Variants in TUSC3 observed in about 807,000 individuals in gnomAD.
TUSC3 encodes the protein tumor suppressor candidate 3.
TUSC3 carries 45 observed loss-of-function variants against 44.8 expected under a neutral mutation model. The ratio of observed to expected loss-of-function variants is 1.00; its 90% confidence interval spans 0.79 to 1.29. The LOEUF is 1.29. Among genes scored for constraint, TUSC3 ranks in the 50% most tolerant of loss-of-function variants. The pLI, the probability that TUSC3 is intolerant of heterozygous loss-of-function variation, is 0.00. For missense variants in TUSC3, 519 were observed against 437.9 expected, an observed-to-expected ratio of 1.19 and a Z score of -1.65; for synonymous variants, 212 against 152.9, an observed-to-expected ratio of 1.39 and a Z score of -2.85.
intron 1 of TUSC3, among the ~76,000 whole-genome samples, chr8:15,567,437 G>T (rs887000137): frequency 4.6e-5 from 7 of 152,114 alleles, no homozygotes; most frequent in Non-Finnish European, 1.0e-4. Flanking sequence ...CTTGCCCAGA[G>T]TAGGTACTTA....
intron 1 of TUSC3, among the ~76,000 whole-genome samples, chr8:15,559,357 G>A (rs1041376141): frequency 3.4e-5 from 5 of 148,528 alleles, no homozygotes; most frequent in Non-Finnish European, 6.0e-5. Flanking sequence ...ATTGCACTGT[G>A]GTCTGACAGA....
chr8:15,815,858 G>C, the TUSC3 span, among the ~76,000 whole-genome samples: 1 of 152,148 alleles, frequency 6.6e-6, no homozygotes, highest in African/African-American at 2.4e-5. Flanking sequence ...AGTTGGCATT[G>C]TTTCCAGGGA....
intron 7 of TUSC3, 25 bp from the exon 8 acceptor site, chr8:15,743,513 A>C (rs746570208): frequency 6.2e-7 from 1 of 1,612,348 alleles, no homozygotes; most frequent in African/African-American, 1.3e-5. Flanking sequence ...ATCTATGTCT[A>C]CGGCTTCCTT....
At chr8:15,660,397 A>C (rs551708370) in intron 4 of TUSC3, among the ~76,000 whole-genome samples, 1 of 152,160 alleles carries the variant, frequency 6.6e-6, no homozygotes, top group East Asian at 1.9e-4. Context: ...TATAAAGTAC[A>C]AATATGAGTA....
At chr8:15,843,938 G>T in the TUSC3 span, among the ~76,000 whole-genome samples, 1 of 152,040 alleles carries the variant, frequency 6.6e-6, no homozygotes, top group Non-Finnish European at 1.5e-5. Context: ...TTTGTGTTTG[G>T]AAACTCAGTC....
chr8:15,681,425 A>C (rs1808426246), intron 6 of TUSC3, among the ~76,000 whole-genome samples: 1 of 151,972 alleles, frequency 6.6e-6, no homozygotes, highest in Admixed American at 6.5e-5. Flanking sequence ...CCAGGAATTC[A>C]TCCATTTACT....
chr8:15,632,154 A>T (rs1805800475), intron 2 of TUSC3, among the ~76,000 whole-genome samples: 1 of 152,182 alleles, frequency 6.6e-6, no homozygotes, highest in South Asian at 2.1e-4. Flanking sequence ...CCCCCATGCC[A>T]TGTGAGATCC....
At position 15,650,784 on chromosome 8, in the gene TUSC3, C is replaced by G; in HGVS notation, c.396C>G (p.Asp132Glu). 6.2e-7 allele frequency: 1 copy of G among 1,614,096 alleles called. No individual in the cohort carries two copies. The highest frequency in any genetic ancestry group is 8.5e-7 in the Non-Finnish European group (1 of 1,180,014). The change falls in exon 3 of 11, where the codon GAC becomes GAG. Residue 132 changes from aspartate to glutamate, a missense_variant. Transcript: ENST00000503731. ...FCNKLFFSMV[D>E]YDEGTDVFQQ... ...ACAAGCTCTTCTTCAGTATGGTGGA[C>G]TATGATGAGGGGACAGACGTTTTTC...
At chr8:15,489,414 C>T (rs1196103192) in intron 2 of TUSC3, among the ~76,000 whole-genome samples, 4 of 152,166 alleles carry the variant, frequency 2.6e-5, no homozygotes, top group African/African-American at 9.7e-5. Flanking sequence ...AAATAGATGG[C>T]AGCTGTTTTC....
rs115790966 is a variant in TUSC3 at position 15,612,427 on chromosome 8, A to G, written c.139-10653A>G. Among the ~76,000 whole-genome samples the G allele has an allele frequency of 2.5e-3, 376 of 152,282 alleles. 3 individuals carry two copies. The highest frequency in any genetic ancestry group is 8.5e-3 in the African/African-American group (352 of 41,572). ...GCTTCACTTTGGAATGAACCATTGTATTACGTATTGTTTAATGCAATGTAC... is the reference window on the plus strand; with the variant it reads ...GCTTCACTTTGGAATGAACCATTGTGTTACGTATTGTTTAATGCAATGTAC... On this transcript the variant is annotated intron_variant, in intron 1 of 10. Coordinates refer to ENST00000503731, the MANE Select transcript of TUSC3 (RefSeq NM_006765.4).
chr8:15,659,435 A>G, intron 3 of TUSC3, 72 bp from the exon 4 acceptor site: 3 of 1,558,190 alleles, frequency 1.9e-6, no homozygotes, highest in Non-Finnish European at 2.6e-6. Flanking sequence ...GAATTTCTAC[A>G]GAAAAAGTGT....
At position 15,580,772 on chromosome 8, in the gene TUSC3, T is replaced by C. The variant is rs1292834335; in HGVS notation, c.138+40204T>C. 4.2e-4 allele frequency among the ~76,000 whole-genome samples: 56 copies of C among 134,826 alleles called. 3 individuals carry two copies. The highest frequency in any genetic ancestry group is 1.5e-3 in the African/African-American group (50 of 33,564). 88.5% of individuals were successfully genotyped at this position (134,826 alleles called of 152,430 possible). A position where few individuals can be genotyped will look rare whatever the true frequency, so the allele number is the denominator to read the frequency against. Reference sequence around the variant, plus strand: ...AACATTTTTTCCTTCATTTCAACTTTGGTGAATCTGACAATTATGTGTCTT... The same window carrying C: ...AACATTTTTTCCTTCATTTCAACTTCGGTGAATCTGACAATTATGTGTCTT... On this transcript the variant is annotated intron_variant, in intron 1 of 10. Coordinates refer to ENST00000503731, the MANE Select transcript of TUSC3 (RefSeq NM_006765.4).
chr8:15,794,034 A>G, the TUSC3 span, among the ~76,000 whole-genome samples: 1 of 152,212 alleles, frequency 6.6e-6, no homozygotes, highest in African/African-American at 2.4e-5. Context: ...TCCTTGCCCC[A>G]AGTGTTGCCT....
intron 1 of TUSC3, among the ~76,000 whole-genome samples, chr8:15,459,063 G>A (rs116136067): frequency 0.018 from 2,724 of 152,220 alleles, 84 homozygotes; most frequent in African/African-American, 0.062. Context: ...GAATTTGACA[G>A]TCCTTTAGCA....
intron 2 of TUSC3, among the ~76,000 whole-genome samples, chr8:15,642,960 A>C (rs780131225): frequency 6.6e-6 from 1 of 152,224 alleles, no homozygotes; most frequent in Non-Finnish European, 1.5e-5. Context: ...CATATGTAGT[A>C]GGTAAATGAT....
At chr8:15,653,165 A>G (rs904863608) in intron 3 of TUSC3, among the ~76,000 whole-genome samples, 3 of 152,136 alleles carry the variant, frequency 2.0e-5, no homozygotes, top group Non-Finnish European at 4.4e-5. Flanking sequence ...CCTTGGTGTC[A>G]TTGTTGAGGA....
chr8:15,813,196 T>C, the TUSC3 span, among the ~76,000 whole-genome samples: 1 of 152,170 alleles, frequency 6.6e-6, no homozygotes, highest in Non-Finnish European at 1.5e-5. Flanking sequence ...TGCTGGAGAA[T>C]TTCACTTAGA....
intron 9 of TUSC3, among the ~76,000 whole-genome samples, chr8:15,752,600 T>A (rs1241546120): frequency 1.3e-5 from 2 of 152,130 alleles, no homozygotes; most frequent in Non-Finnish European, 2.9e-5. Flanking sequence ...GGAGATCATA[T>A]CACTGAAATT....
In TUSC3 at chr8:15,559,463, C is replaced by A. The variant is rs1429380043; in HGVS notation, c.138+18895C>A. Among the ~76,000 whole-genome samples the A allele has an allele frequency of 1.9e-4, 28 of 147,156 alleles. 1 individual carries two copies. The highest frequency in any genetic ancestry group is 1.1e-3 in the South Asian group (5 of 4,442). On this transcript the variant is annotated intron_variant, in intron 1 of 10. Coordinates refer to ENST00000503731, the MANE Select transcript of TUSC3 (RefSeq NM_006765.4). ...TGGAATAGGTGTGGTGTGGTGCTGA[C>A]AAAAATGTATATTCTGTTGATTTGG...
Sources: gnomAD v4.1 joint callset for allele counts (sites outside exome capture counted in the v4.1 genomes callset) on GRCh38, gnomAD v4.1.1 for gene constraint, MANE v1.5 for transcripts, NCBI Gene and HGNC (gene_info 2026-07-23, HGNC 2026-07-21) for gene names.